Variants in HOXC5 observed in about 807,000 individuals in gnomAD.
HOXC5 encodes homeobox protein Hox-C5.
Under a neutral mutation model 20.1 loss-of-function variants are expected in HOXC5, and 19 were observed. The observed-to-expected ratio is 0.94, with a 90% CI of 0.66 to 1.38. HOXC5 has a LOEUF of 1.38. HOXC5 is among the 40% of genes most tolerant of loss of function. The probability of loss-of-function intolerance (pLI) is 0.00; values close to 1 mark genes in which losing one functional copy is unlikely to be tolerated. For synonymous variants in HOXC5, 124 were observed against 117.0 expected (o/e 1.06, Z -0.39); for missense variants, 330 against 300.1 (o/e 1.10, Z -0.74).
At chr12:54,028,749 C>G, upstream of HOXC5, 1 of 1,614,116 alleles carries the variant, frequency 6.2e-7, no homozygotes, top group Admixed American at 1.7e-5. Context: ...GATCTAATTC[C>G]TTTTACCAGG....
the HOXC5 span, chr12:54,022,689 G>A: frequency 6.6e-6 from 1 of 152,020 alleles, no homozygotes; most frequent in Non-Finnish European, 1.5e-5. Context: ...GGAGAAAGAG[G>A]GGGAAAGGAA....
rs1482088208 is a variant in HOXC5 at position 54,034,528 on chromosome 12, C to A, written c.*36C>A. On this transcript the variant is annotated 3_prime_UTR_variant, in exon 2 of 2. Coordinates refer to ENST00000312492, the MANE Select transcript of HOXC5 (RefSeq NM_018953.4). ...GGAGGCCCGCAGAGCGCGCCCCTAG[C>A]CGGTTCCTGTCCCTGCGCCTTTCCT... 2 of 1,550,844 alleles carry A rather than the reference C, an allele frequency of 1.3e-6. No individual in the cohort carries two copies. Among genetic ancestry groups the A allele is most frequent in the East Asian group, 2.2e-5 (1 of 44,568 alleles).
upstream of HOXC5, chr12:54,029,057 G>T (rs1026685919): frequency 1.2e-6 from 1 of 867,370 alleles, no homozygotes; most frequent in Admixed American, 2.8e-5. Context: ...CCGAGACAGG[G>T]CCCCCTCTTC....
chr12:54,019,069 C>T, the HOXC5 span, among the ~76,000 whole-genome samples: 1 of 150,846 alleles, frequency 6.6e-6, no homozygotes, highest in African/African-American at 2.4e-5. Context: ...CCCACAACCC[C>T]CTTCCCTTCC....
chr12:54,032,555 G>T (rs112940241), upstream of HOXC5, among the ~76,000 whole-genome samples: 153 of 152,370 alleles, frequency 1.0e-3, no homozygotes, highest in African/African-American at 3.6e-3. Flanking sequence ...GAGGTTGGGA[G>T]AACGGGACTT....
At chr12:54,021,797 G>C in the HOXC5 span, 1 of 152,506 alleles carries the variant, frequency 6.6e-6, no homozygotes, top group Non-Finnish European at 1.5e-5. Flanking sequence ...TGTTTATTGT[G>C]TCTGTGAGTT....
chr12:54,032,085 A>G (rs1239424560), upstream of HOXC5, among the ~76,000 whole-genome samples: 1 of 152,206 alleles, frequency 6.6e-6, no homozygotes, highest in Non-Finnish European at 1.5e-5. Flanking sequence ...CCTCTGGCAT[A>G]GGTACCACAT....
At chr12:54,034,199 G>T in intron 1 of HOXC5, 79 bp from the exon 2 acceptor site, 3 of 1,337,046 alleles carry the variant, frequency 2.2e-6, no homozygotes, top group Non-Finnish European at 3.2e-6. Context: ...CGCGGGTGGG[G>T]GCCTGGGCTG....
chr12:54,017,508 A>T, the HOXC5 span: 3 of 148,042 alleles, frequency 2.0e-5, no homozygotes, highest in Admixed American at 2.0e-4. Flanking sequence ...TAGGGAGAAG[A>T]GGGGGCTGGC....
At chr12:54,033,947 C>T in intron 1 of HOXC5, 1 of 482,958 alleles carries the variant, frequency 2.1e-6, no homozygotes, top group East Asian at 4.8e-5. Context: ...AGGATTCCAG[C>T]GACTCGGGAG....
the HOXC5 span, among the ~76,000 whole-genome samples, chr12:54,026,290 C>A: frequency 6.6e-6 from 1 of 152,126 alleles, no homozygotes; most frequent in Non-Finnish European, 1.5e-5. Flanking sequence ...GTTGTCTCTC[C>A]CCCACCTCTT....
At chr12:54,032,491 C>T (rs1354053695), upstream of HOXC5, among the ~76,000 whole-genome samples, 1 of 152,238 alleles carries the variant, frequency 6.6e-6, no homozygotes, top group African/African-American at 2.4e-5. Flanking sequence ...CATAGGCCAC[C>T]TTACCTAACT....
the HOXC5 span, among the ~76,000 whole-genome samples, chr12:54,025,832 C>A: frequency 6.6e-6 from 1 of 152,126 alleles, no homozygotes; most frequent in Non-Finnish European, 1.5e-5. Context: ...GGGCCCCTTT[C>A]CTCTCCAGAC....
At chr12:54,029,842 G>GA (rs761693320), upstream of HOXC5, 4 of 1,613,838 alleles carry the variant, frequency 2.5e-6, no homozygotes, top group Non-Finnish European at 2.5e-6. Flanking sequence ...GGATGAAGTG[G>GA]AAAAAAGAAT....
chr12:54,023,250 G>A, the HOXC5 span, among the ~76,000 whole-genome samples: 506 of 152,346 alleles, frequency 3.3e-3, 3 homozygotes, highest in Non-Finnish European at 3.7e-3. Context: ...AGGGCTGAGC[G>A]TGATGGGGTA....
chr12:54,025,539 A>T, the HOXC5 span, among the ~76,000 whole-genome samples: 3 of 23,704 alleles, frequency 1.3e-4, no homozygotes, highest in Non-Finnish European at 2.7e-4. Flanking sequence ...GGGGGGGGGG[A>T]GGTGTTGAAA....
At chr12:54,024,387 G>T in the HOXC5 span, among the ~76,000 whole-genome samples, 3 of 152,122 alleles carry the variant, frequency 2.0e-5, no homozygotes, top group African/African-American at 4.8e-5. Context: ...GTTGCAGCGC[G>T]GCAGTCAGGA....
chr12:54,034,191 C>A, intron 1 of HOXC5, 87 bp from the exon 2 acceptor site: 3 of 1,257,504 alleles, frequency 2.4e-6, no homozygotes, highest in Non-Finnish European at 3.4e-6. Context: ...CCTCCGGCCG[C>A]GGGTGGGGGC....
At chr12:54,022,408 T>G in the HOXC5 span, 1 of 152,190 alleles carries the variant, frequency 6.6e-6, no homozygotes, top group African/African-American at 2.4e-5. Flanking sequence ...TAGAGTCAGA[T>G]AGTTGGCTTT....
Sources: gnomAD v4.1 joint callset for allele counts (sites outside exome capture counted in the v4.1 genomes callset) on GRCh38, gnomAD v4.1.1 for gene constraint, MANE v1.5 for transcripts, NCBI Gene and HGNC (gene_info 2026-07-23, HGNC 2026-07-21) for gene names.